CPE: variants seen among roughly 807,000 people sequenced by gnomAD.
CPE encodes the protein carbocypeptidase E.
Under a neutral mutation model 53.5 loss-of-function variants are expected in CPE, and 17 were observed. That is an observed-to-expected ratio of 0.32 (90% CI 0.22 to 0.48). The LOEUF (loss-of-function observed/expected upper bound fraction) is 0.48, where lower values mean the gene tolerates loss of function less well. Ranked by LOEUF, CPE falls within the 20% of genes least tolerant of loss-of-function variation. CPE has a pLI of 0.99. For synonymous variants in CPE, 226 were observed against 228.8 expected (o/e 0.99, Z 0.11); for missense variants, 524 against 614.7 (o/e 0.85, Z 1.56).
intron 1 of CPE, among the ~76,000 whole-genome samples, chr4:165,395,870 T>C (rs1378288462): frequency 6.6e-6 from 1 of 152,212 alleles, no homozygotes; most frequent in Non-Finnish European, 1.5e-5. Flanking sequence ...TTTGTGAACC[T>C]AATCTCGCCT....
intron 3 of CPE, among the ~76,000 whole-genome samples, chr4:165,472,586 T>C (rs1732227551): frequency 6.6e-6 from 1 of 152,222 alleles, no homozygotes; most frequent in Non-Finnish European, 1.5e-5. Context: ...TAAAAGTCTG[T>C]TGTGCTTTTC....
intron 8 of CPE, 28 bp from the exon 9 acceptor site, chr4:165,497,484 A>C: frequency 2.3e-6 from 3 of 1,310,064 alleles, no homozygotes; most frequent in Non-Finnish European, 3.1e-6. Context: ...CAGTTTGATA[A>C]TAATATGTTC....
At chr4:165,493,055 G>C (rs1471377468) in intron 6 of CPE, 116 bp from the exon 7 acceptor site, 1 of 614,164 alleles carries the variant, frequency 1.6e-6, no homozygotes, top group African/African-American at 1.9e-5. Context: ...CTTAAACAAT[G>C]GGGGTCTACG....
chr4:165,454,475 G>T (rs1398848651), intron 1 of CPE, among the ~76,000 whole-genome samples: 1 of 152,174 alleles, frequency 6.6e-6, no homozygotes, highest in Non-Finnish European at 1.5e-5. Flanking sequence ...TTCAAATAAG[G>T]TTTTATATTG....
intron 1 of CPE, among the ~76,000 whole-genome samples, chr4:165,413,308 G>A (rs1169855877): frequency 1.3e-5 from 2 of 152,144 alleles, no homozygotes; most frequent in Non-Finnish European, 2.9e-5. Context: ...ATGTGATGCT[G>A]GGTCCAAAGT....
In CPE at chr4:165,486,998, A is replaced by G. The variant is rs144535343; in HGVS notation, c.974-440A>G. On this transcript the variant is annotated intron_variant, in intron 5 of 8. Coordinates refer to ENST00000402744, the MANE Select transcript of CPE (RefSeq NM_001873.4). ...ACTCCCAATCCCTCAGGAATACACT[A>G]TGATATTGATTGGGCTTAAGGAATA... Among the ~76,000 whole-genome samples, 141 of 152,318 alleles carry G rather than the reference A, an allele frequency of 9.3e-4. 1 individual carries two copies. Among genetic ancestry groups the G allele is most frequent in the African/African-American group, 3.2e-3 (134 of 41,566 alleles).
Position 165,482,260 on chromosome 4 carries a change from G to T in CPE, c.691G>T (p.Ala231Ser). Residue 231 changes from alanine (A) to serine (S), a missense_variant, in exon 4 of 9, where the codon GCT (alanine) becomes TCT (serine). Ala to Ser is a moderately conservative substitution (Grantham distance 99). Coordinates refer to ENST00000402744, the MANE Select transcript of CPE (RefSeq NM_001873.4). The stretch of plus-strand genomic sequence containing the variant: ...TGAACAGCTTGCTCCTGAGACCAAG[G>T]CTGTCATTCATTGGATTATGGATAT... Reference protein sequence around the residue: ...QNTKLAPETKAVIHWIMDIPF... With the variant: ...QNTKLAPETKSVIHWIMDIPF... The T allele has an allele frequency of 6.2e-7, 1 of 1,613,178 alleles. No homozygotes were observed.
chr4:165,422,318 TA>T (rs1255689990), intron 1 of CPE, among the ~76,000 whole-genome samples: 2 of 151,304 alleles, frequency 1.3e-5, no homozygotes, highest in Admixed American at 6.6e-5. Flanking sequence ...TATTATTTTT[TA>T]AATATATTTT....
chr4:165,443,584 G>A (rs953844309), intron 1 of CPE, among the ~76,000 whole-genome samples: 1 of 152,154 alleles, frequency 6.6e-6, no homozygotes, highest in Non-Finnish European at 1.5e-5. Context: ...GGCCCTTTCT[G>A]TGTATCTGCA....
intron 3 of CPE, among the ~76,000 whole-genome samples, chr4:165,474,673 C>T (rs924464094): frequency 5.3e-5 from 8 of 152,160 alleles, no homozygotes; most frequent in Non-Finnish European, 5.9e-5. Flanking sequence ...CTGGAATAAC[C>T]GTTCTTACTG....
At chr4:165,461,715 A>G (rs926851885) in intron 1 of CPE, among the ~76,000 whole-genome samples, 2 of 152,138 alleles carry the variant, frequency 1.3e-5, no homozygotes, top group Non-Finnish European at 2.9e-5. Context: ...GAATGCTGAC[A>G]TATTTGCTTT....
At chr4:165,415,558 A>T (rs1277801816) in intron 1 of CPE, among the ~76,000 whole-genome samples, 1 of 152,136 alleles carries the variant, frequency 6.6e-6, no homozygotes, top group African/African-American at 2.4e-5. Context: ...TATATATTCC[A>T]TGTCTTCCTT....
intron 3 of CPE, 93 bp from the exon 4 acceptor site, chr4:165,482,149 G>GT (rs1732425043): frequency 1.4e-6 from 1 of 711,478 alleles, no homozygotes; most frequent in African/African-American, 1.8e-5. Context: ...CCAGCTTTCA[G>GT]TTTTTTCCTT....
chr4:165,398,884 T>TA (rs1730819259), intron 1 of CPE, among the ~76,000 whole-genome samples: 1 of 152,192 alleles, frequency 6.6e-6, no homozygotes, highest in Non-Finnish European at 1.5e-5. Context: ...TACCAGGTGA[T>TA]ATACACTGAG....
intron 5 of CPE, among the ~76,000 whole-genome samples, chr4:165,485,935 G>C (rs1201498204): frequency 6.6e-6 from 1 of 152,146 alleles, no homozygotes; most frequent in Non-Finnish European, 1.5e-5. Context: ...AGGGAAGTGA[G>C]GGAAGCAGGG....
chr4:165,413,528 C>G (rs1731073591), intron 1 of CPE, among the ~76,000 whole-genome samples: 1 of 149,184 alleles, frequency 6.7e-6, no homozygotes, highest in Admixed American at 6.7e-5. Context: ...ACTCATAGCT[C>G]TTAGCTGAAT....
At chr4:165,412,896 T>G (rs1731063531) in intron 1 of CPE, among the ~76,000 whole-genome samples, 1 of 152,246 alleles carries the variant, frequency 6.6e-6, no homozygotes, top group South Asian at 2.1e-4. Flanking sequence ...TTATAACCAG[T>G]GATTTTCTCG....
At chr4:165,433,703 G>A (rs73009320) in intron 1 of CPE, among the ~76,000 whole-genome samples, 8 of 152,176 alleles carry the variant, frequency 5.3e-5, no homozygotes, top group Non-Finnish European at 1.0e-4. Flanking sequence ...ACAACAGACC[G>A]CAGCAGGATT....
intron 1 of CPE, among the ~76,000 whole-genome samples, chr4:165,451,888 C>G (rs1231427834): frequency 2.0e-5 from 3 of 151,736 alleles, no homozygotes; most frequent in African/African-American, 7.3e-5. Context: ...AAATCAAACC[C>G]AAGTTTGTCT....
Sources: gnomAD v4.1 joint callset for allele counts (sites outside exome capture counted in the v4.1 genomes callset) on GRCh38, gnomAD v4.1.1 for gene constraint, MANE v1.5 for transcripts, NCBI Gene and HGNC (gene_info 2026-07-23, HGNC 2026-07-21) for gene names.